The following TRMT10B variants were observed in gnomAD, a reference collection of about 807,000 sequenced individuals.
The protein encoded by TRMT10B is tRNA methyltransferase 10B.
Under a neutral mutation model 43.8 loss-of-function variants are expected in TRMT10B, and 33 were observed. The observed-to-expected ratio is 0.75, with a 90% CI of 0.57 to 1.01. TRMT10B has a LOEUF of 1.01. Among genes scored for constraint, TRMT10B ranks in the 50% least tolerant of loss-of-function variants. The pLI, the probability that TRMT10B is intolerant of heterozygous loss-of-function variation, is 0.00. For missense variants in TRMT10B, 362 were observed against 369.8 expected (o/e 0.98, Z 0.17); for synonymous variants, 137 against 130.6 (o/e 1.05, Z -0.34).
chr9:37,753,121 T>G (rs1320044837), upstream of TRMT10B, among the ~76,000 whole-genome samples: 2 of 150,268 alleles, frequency 1.3e-5, no homozygotes, highest in Admixed American at 1.3e-4. Flanking sequence ...TTAACACTCA[T>G]TGCGAAGATC....
At chr9:37,759,470 G>T (rs1334809776) in intron 1 of TRMT10B, among the ~76,000 whole-genome samples, 1 of 152,234 alleles carries the variant, frequency 6.6e-6, no homozygotes, top group Admixed American at 6.5e-5. Flanking sequence ...CCTTTGGCAA[G>T]TTGTGGGAAT....
At chr9:37,774,249 G>T (rs930656057) in intron 7 of TRMT10B, among the ~76,000 whole-genome samples, 1 of 152,184 alleles carries the variant, frequency 6.6e-6, no homozygotes, top group Non-Finnish European at 1.5e-5. Flanking sequence ...TTACCCACCT[G>T]CCTCACCCTC....
intron 7 of TRMT10B, 40 bp downstream of exon 7, chr9:37,770,779 C>A (rs1263339349): frequency 5.0e-6 from 8 of 1,601,108 alleles, no homozygotes; most frequent in Admixed American, 3.4e-5. Flanking sequence ...TTTTAAAAAG[C>A]AGTGCTTACT....
At chr9:37,768,318 C>T (rs1299855367) in intron 5 of TRMT10B, 90 bp downstream of exon 5, 2 of 1,384,836 alleles carry the variant, frequency 1.4e-6, no homozygotes, top group African/African-American at 2.9e-5. Context: ...ATATATGTTA[C>T]ATTTTCAGTA....
chr9:37,758,774 TG>T (rs1426270368), intron 1 of TRMT10B, among the ~76,000 whole-genome samples: 1 of 152,184 alleles, frequency 6.6e-6, no homozygotes, highest in Non-Finnish European at 1.5e-5. Flanking sequence ...TTTCAGGTAT[TG>T]GGCAGTAGTC....
At chr9:37,764,783 A>T (rs1398141250) in intron 4 of TRMT10B, among the ~76,000 whole-genome samples, 2 of 152,086 alleles carry the variant, frequency 1.3e-5, no homozygotes, top group Non-Finnish European at 2.9e-5. Context: ...GGATTCCCAC[A>T]CTAGAGTTCT....
At chr9:37,774,964 C>T (rs1827986046) in intron 7 of TRMT10B, among the ~76,000 whole-genome samples, 2 of 152,198 alleles carry the variant, frequency 1.3e-5, no homozygotes, top group Admixed American at 1.3e-4. Context: ...CTAGAGGATT[C>T]CTAGGGGCAT....
At chr9:37,768,879 AGTT>A (rs1282074774) in intron 5 of TRMT10B, among the ~76,000 whole-genome samples, 1 of 152,174 alleles carries the variant, frequency 6.6e-6, no homozygotes, top group African/African-American at 2.4e-5. Context: ...TCTTCTATGT[AGTT>A]GTTTTAATGA....
chr9:37,769,708 C>T (rs186513209), intron 5 of TRMT10B: 4 of 496,074 alleles, frequency 8.1e-6, no homozygotes, highest in Admixed American at 6.4e-5. Flanking sequence ...AGCCATCCTG[C>T]CACCTCACTC....
chr9:37,767,558 G>A (rs1174552469), intron 4 of TRMT10B: 1 of 110,596 alleles, frequency 9.0e-6, no homozygotes, highest in African/African-American at 3.6e-5. Context: ...AATTAAGATA[G>A]CAGATTAAAT....
At chr9:37,757,924 C>T (rs1825893811) in intron 1 of TRMT10B, among the ~76,000 whole-genome samples, 1 of 152,086 alleles carries the variant, frequency 6.6e-6, no homozygotes, top group South Asian at 2.1e-4. Flanking sequence ...CCGCTTAAAC[C>T]TATTTTAAGT....
rs547393028 is a variant in TRMT10B at position 37,763,154 on chromosome 9, A to C, written c.295+469A>C. Among the ~76,000 whole-genome samples, 199 of 118,216 alleles carry C rather than the reference A, an allele frequency of 1.7e-3. 4 individuals carry two copies. Among genetic ancestry groups the C allele is most frequent in the Middle Eastern group, 0.011 (3 of 280 alleles). The allele number at this position is 118,216 out of a possible 152,430, so 77.6% of individuals were successfully genotyped here. ...GTGAGACTCTGTCTCAAAAAAAAAAAAAAAAAAAAAACAAAAAAAAAAATT... is the reference window on the plus strand; with the variant it reads ...GTGAGACTCTGTCTCAAAAAAAAAACAAAAAAAAAAACAAAAAAAAAAATT... On this transcript the variant is annotated intron_variant, in intron 3 of 8. Coordinates refer to ENST00000297994, the MANE Select transcript of TRMT10B (RefSeq NM_144964.4).
chr9:37,775,506 G>T (rs138461390), intron 7 of TRMT10B, among the ~76,000 whole-genome samples: 1 of 152,080 alleles, frequency 6.6e-6, no homozygotes, highest in African/African-American at 2.4e-5. Flanking sequence ...GACTTCTTGT[G>T]ACTCCTTTTT....
intron 8 of TRMT10B, 122 bp from the exon 9 acceptor site, chr9:37,777,479 C>T (rs935366159): frequency 5.1e-6 from 4 of 779,814 alleles, no homozygotes; most frequent in Non-Finnish European, 8.4e-6. Flanking sequence ...CCCCGCAAGA[C>T]CTTAGTACCA....
At chr9:37,769,363 C>T (rs951829676) in intron 5 of TRMT10B, among the ~76,000 whole-genome samples, 2 of 145,656 alleles carry the variant, frequency 1.4e-5, no homozygotes, top group Non-Finnish European at 3.0e-5. Context: ...AAACCCAGTT[C>T]CAGCATTTCC....
chr9:37,761,942 A>G lies in TRMT10B; in HGVS notation c.11A>G (p.Lys4Arg), dbSNP rs1223522465. ...CAGAGGACTAAGTCCATGGACTGGA[A>G]ATTGGAAGGGAGTACTCAGAAAGTA... The part of the protein sequence containing the change: MDW[K>R]LEGSTQKVES... Residue 4 changes from lysine to arginine, a missense_variant, in exon 2 of 9, where the codon AAA becomes AGA. Physicochemically the swap from Lys to Arg is conservative, Grantham distance 26. Transcript: ENST00000297994. 6.2e-7 allele frequency: 1 copy of G among 1,612,960 alleles called. No homozygotes were observed. The highest frequency in any genetic ancestry group is 1.7e-5 in the Admixed American group (1 of 59,962).
At chr9:37,768,279 G>T in intron 5 of TRMT10B, 51 bp downstream of exon 5, 11 of 1,504,394 alleles carry the variant, frequency 7.3e-6, no homozygotes, top group Middle Eastern at 1.8e-4. Flanking sequence ...AAGTTATTGT[G>T]GTTAATAGTA....
chr9:37,769,308 T>TAAAAAAAAAAAAA (rs57651814), intron 5 of TRMT10B, among the ~76,000 whole-genome samples: 2 of 60,718 alleles, frequency 3.3e-5, no homozygotes, highest in African/African-American at 7.5e-5. Context: ...ACCCTGTCTT[T>TAAAAAAAAAAAAA]AAAAAAAAAA....
chr9:37,760,920 T>C (rs1175352857), intron 1 of TRMT10B, among the ~76,000 whole-genome samples: 1 of 152,264 alleles, frequency 6.6e-6, no homozygotes, highest in African/African-American at 2.4e-5. Context: ...GTTCAGATTT[T>C]GAACTCCACT....
Sources: allele counts gnomAD v4.1 joint callset (sites outside exome capture counted in the v4.1 genomes callset), GRCh38; gene constraint gnomAD v4.1.1; transcripts MANE v1.5; gene names NCBI Gene and HGNC (gene_info 2026-07-23, HGNC 2026-07-21).